Variants in SMYD3 observed in about 807,000 individuals in gnomAD.
SMYD3 encodes the protein histone-lysine N-methyltransferase SMYD3.
A neutral mutation model predicts 57.7 loss-of-function variants in SMYD3; 36 were observed. The ratio of observed to expected loss-of-function variants is 0.62; its 90% CI spans 0.48 to 0.82. SMYD3 has a LOEUF of 0.82. Among genes scored for constraint, SMYD3 ranks in the 40% least tolerant of loss-of-function variants. The probability of loss-of-function intolerance (pLI) is 0.00; values close to 1 mark genes in which losing one functional copy is unlikely to be tolerated. For synonymous variants in SMYD3, 211 were observed against 195.0 expected, an observed-to-expected ratio of 1.08 and a Z score of -0.68; for missense variants, 515 against 538.8, an observed-to-expected ratio of 0.96 and a Z score of 0.44.
intron 1 of SMYD3, among the ~76,000 whole-genome samples, chr1:246,368,345 C>A (rs549324836): frequency 1.2e-4 from 19 of 152,116 alleles, no homozygotes; most frequent in Admixed American, 9.2e-4. Context: ...TGTGCTAAAA[C>A]CATAAAACCA....
rs554544581 is a variant in SMYD3 at position 246,062,295 on chromosome 1, T to C, written c.532-132358A>G. ...CACTGATTTGGGGATCTTTATAGTC[T>C]ACCATTTGACAATGACTTGGCCTTT... On this transcript the variant is annotated intron_variant, in intron 5 of 11. Transcript: ENST00000490107. 2.2e-4 allele frequency among the ~76,000 whole-genome samples: 33 copies of C among 152,278 alleles called. 1 individual carries two copies. Among genetic ancestry groups the C allele is most frequent in the African/African-American group, 6.5e-4 (27 of 41,566 alleles).
At chr1:246,294,308 G>GC (rs1390556430) in intron 5 of SMYD3, among the ~76,000 whole-genome samples, 1 of 152,154 alleles carries the variant, frequency 6.6e-6, no homozygotes, top group East Asian at 1.9e-4. Context: ...AGCAACCAGG[G>GC]CCCACTATGT....
chr1:245,793,165 C>T (rs550776669), intron 10 of SMYD3, among the ~76,000 whole-genome samples: 56 of 149,604 alleles, frequency 3.7e-4, no homozygotes, highest in Middle Eastern at 3.4e-3. Context: ...AAAAATGAGC[C>T]GGGCATGGTG....
chr1:246,421,276 A>T (rs1016516268), intron 1 of SMYD3, among the ~76,000 whole-genome samples: 1 of 152,224 alleles, frequency 6.6e-6, no homozygotes, highest in East Asian at 1.9e-4. Flanking sequence ...ACCTTACAAC[A>T]AAGAATAAAT....
intron 10 of SMYD3, among the ~76,000 whole-genome samples, chr1:245,795,236 A>T (rs189209739): frequency 2.6e-5 from 4 of 152,312 alleles, no homozygotes; most frequent in Admixed American, 2.6e-4. Context: ...CCTGGTCAGG[A>T]TCCTGTGTCT....
At chr1:246,042,909 C>T (rs971056773) in intron 5 of SMYD3, among the ~76,000 whole-genome samples, 2 of 152,086 alleles carry the variant, frequency 1.3e-5, no homozygotes, top group African/African-American at 4.8e-5. Context: ...GAGGCTATTT[C>T]CAGGGGCTCT....
chr1:246,443,763 A>G (rs1051161494), intron 1 of SMYD3, among the ~76,000 whole-genome samples: 2 of 152,196 alleles, frequency 1.3e-5, no homozygotes, highest in Non-Finnish European at 2.9e-5. Context: ...TATGGTATAT[A>G]CGTATCTTAA....
chr1:246,210,694 G>C (rs1266106528), intron 5 of SMYD3, among the ~76,000 whole-genome samples: 1 of 151,352 alleles, frequency 6.6e-6, no homozygotes, highest in Non-Finnish European at 1.5e-5. Context: ...TGGGCAACAA[G>C]GGCGAAACTA....
chr1:245,823,836 T>G (rs1335863222), intron 10 of SMYD3, among the ~76,000 whole-genome samples: 1 of 152,186 alleles, frequency 6.6e-6, no homozygotes, highest in Non-Finnish European at 1.5e-5. Context: ...AAAACTGCAC[T>G]ATACCAAAAA....
chr1:246,326,140 CAGT>C, intron 5 of SMYD3: 1 of 381,076 alleles, frequency 2.6e-6, no homozygotes, highest in East Asian at 3.9e-5. Context: ...TTTCAGAAAA[CAGT>C]AAATTTTAAA....
At chr1:246,492,338 C>T (rs939116253) in intron 1 of SMYD3, among the ~76,000 whole-genome samples, 1 of 152,130 alleles carries the variant, frequency 6.6e-6, no homozygotes, top group Non-Finnish European at 1.5e-5. Context: ...CAGGATTTTT[C>T]CAAGCTCCCC....
rs7518982 is a variant in SMYD3, at chr1:246,323,463, T to C, written c.531+3738A>G. 1.8e-3 allele frequency among the ~76,000 whole-genome samples: 268 copies of C among 152,296 alleles called. 4 individuals are homozygous for C. The highest frequency in any genetic ancestry group is 6.1e-3 in the African/African-American group (255 of 41,562). Reference sequence around the variant, plus strand: ...GTCCGACAGGAAAGACACACCATTTTTCCGCCAGAAACTCCAGTGTTCAAA... The same window carrying C: ...GTCCGACAGGAAAGACACACCATTTCTCCGCCAGAAACTCCAGTGTTCAAA... On this transcript the variant is annotated intron_variant, in intron 5 of 11. Transcript: ENST00000490107.
chr1:246,506,811 G>C (rs2068546863), intron 1 of SMYD3, among the ~76,000 whole-genome samples: 1 of 140,498 alleles, frequency 7.1e-6, no homozygotes, highest in Non-Finnish European at 1.5e-5. Context: ...GCCCAGGTTG[G>C]GGGGCAGTGG....
In SMYD3 at chr1:246,335,410, G is replaced by A. The variant is rs1257689530; in HGVS notation, c.293C>T (p.Pro98Leu). ...GCCAAGAAGTCGAACGGAGTCTGGA[G>A]GATATCTGGGTTTGCAGCTTTTAAG... ...KCLKSCKPRY[P>L]PDSVRLLGRV... Residue 98 changes from proline to leucine, a missense_variant, in exon 3 of 12, where the codon CCT becomes CTT. Pro to Leu is a moderately conservative substitution (Grantham distance 98, BLOSUM62 -3). Coordinates refer to ENST00000490107, the MANE Select transcript of SMYD3 (RefSeq NM_001167740.2). 1.8e-5 allele frequency: 29 copies of A among 1,614,026 alleles called. No individual in the cohort carries two copies. The highest frequency in any genetic ancestry group is 2.5e-5 in the Non-Finnish European group (29 of 1,180,022).
chr1:246,193,649 A>G (rs1440302560), intron 5 of SMYD3: 1 of 152,314 alleles, frequency 6.6e-6, no homozygotes, highest in Non-Finnish European at 1.5e-5. Flanking sequence ...TAATCAGCAG[A>G]AAGGATGGAG....
At chr1:246,042,058 C>T (rs939575495) in intron 5 of SMYD3, among the ~76,000 whole-genome samples, 3 of 152,160 alleles carry the variant, frequency 2.0e-5, no homozygotes, top group Admixed American at 1.3e-4. Flanking sequence ...TGATAAGTCA[C>T]ATTTTGAGGA....
At chr1:246,130,004 G>A (rs150404402) in intron 5 of SMYD3, among the ~76,000 whole-genome samples, 128 of 152,280 alleles carry the variant, frequency 8.4e-4, no homozygotes, top group Middle Eastern at 3.4e-3. Flanking sequence ...GCAGAGAGAA[G>A]AGGAAACTAA....
chr1:245,910,749 T>C (rs10802295), intron 8 of SMYD3, among the ~76,000 whole-genome samples: 133,730 of 152,054 alleles, frequency 0.88, 61,244 homozygotes, highest in South Asian at 1. Context: ...AAAAGTCATA[T>C]CAAAACAGCT....
At chr1:246,269,543 C>CTTTTTTTTTTTTTTTTTTTTT (rs570972296) in intron 5 of SMYD3, among the ~76,000 whole-genome samples, 4 of 135,212 alleles carry the variant, frequency 3.0e-5, no homozygotes, top group East Asian at 2.2e-4. Flanking sequence ...CTTTTTTTTT[C>CTTTTTTTTTTTTTTTTTTTTT]TTTTTTTTTT....
Sources: gnomAD v4.1 joint callset for allele counts (sites outside exome capture counted in the v4.1 genomes callset) on GRCh38, gnomAD v4.1.1 for gene constraint, MANE v1.5 for transcripts, NCBI Gene and HGNC (gene_info 2026-07-23, HGNC 2026-07-21) for gene names.